Variants in AP1S1 observed in about 807,000 individuals in gnomAD.
AP1S1 encodes adaptor related protein complex 1 subunit sigma 1.
AP1S1 carries 13 observed loss-of-function variants against 23.9 expected under a neutral mutation model. The ratio of observed to expected loss-of-function variants is 0.54; its 90% CI spans 0.35 to 0.86. The LOEUF is 0.86. Ranked by LOEUF, AP1S1 falls within the 40% of genes least tolerant of loss-of-function variation. The pLI is 0.01. For missense variants in AP1S1, 119 were observed against 197.6 expected (o/e 0.60, Z 2.38); for synonymous variants, 84 against 77.7 (o/e 1.08, Z -0.43).
Position 101,160,948 on chromosome 7 carries a change from G to C in AP1S1, c.*382G>C. 1 of 364,954 alleles carries C rather than the reference G, an allele frequency of 2.7e-6. No homozygotes were observed. The highest frequency in any genetic ancestry group is 5.4e-6 in the Non-Finnish European group (1 of 186,560). The allele number at this position is 364,954 out of a possible 1,614,324, so 22.6% of individuals were successfully genotyped here. A position where few individuals can be genotyped will look rare whatever the true frequency, so the allele number is the denominator to read the frequency against. On this transcript the variant is annotated 3_prime_UTR_variant, in exon 5 of 5. Coordinates refer to ENST00000337619, the MANE Select transcript of AP1S1 (RefSeq NM_001283.5). ...GTTCAGGGCACTTCTTGTCCTCTCT[G>C]TCCCATAACCTACCTCCACCCTCCC...
intron 1 of AP1S1, among the ~76,000 whole-genome samples, chr7:101,155,611 G>T (rs1226988147): frequency 1.3e-5 from 2 of 152,330 alleles, no homozygotes; most frequent in Non-Finnish European, 2.9e-5. Flanking sequence ...CAGAGAGGAA[G>T]ATAGGATTTG....
At chr7:101,159,964 GCACA>G (rs141729983) in intron 4 of AP1S1, among the ~76,000 whole-genome samples, 1 of 142,884 alleles carries the variant, frequency 7.0e-6, no homozygotes, top group Non-Finnish European at 1.5e-5. Context: ...TCCCACACAC[GCACA>G]CACACACACC....
Position 101,160,670 on chromosome 7 carries a change from T to C in AP1S1, c.*104T>C. On this transcript the variant is annotated 3_prime_UTR_variant, in exon 5 of 5. Coordinates refer to ENST00000337619, the MANE Select transcript of AP1S1 (RefSeq NM_001283.5). Reference sequence around the variant, plus strand: ...GTTCTTGGTGGGACTCGGCTGCCCCTCCTCTGCTGCCTCACCTTTCGGAGT... The same window carrying C: ...GTTCTTGGTGGGACTCGGCTGCCCCCCCTCTGCTGCCTCACCTTTCGGAGT... The C allele has an allele frequency of 7.4e-7, 1 of 1,352,144 alleles. No individual in the cohort carries two copies. Among genetic ancestry groups the C allele is most frequent in the Non-Finnish European group, 1.0e-6 (1 of 961,620 alleles). 83.8% of individuals were successfully genotyped at this position (1,352,144 alleles called of 1,614,324 possible). A position where few individuals can be genotyped will look rare whatever the true frequency, so the allele number is the denominator to read the frequency against.
Position 101,159,446 on chromosome 7 carries a change from A to G in AP1S1, c.429+250A>G, listed in dbSNP as rs1395194874. 3 of 508,766 alleles carry G rather than the reference A, an allele frequency of 5.9e-6. No homozygotes were observed. In the African/African-American group the frequency reaches 6.0e-5, roughly 10 times the overall value. The allele number at this position is 508,766 out of a possible 1,614,324, so 31.5% of individuals were successfully genotyped here. Reference sequence around the variant, plus strand: ...AGCTCTGTCCTTCTCCCAAGCCCCCAGATGTCTCGTGGCCACCCAGTCTCC... The same window carrying G: ...AGCTCTGTCCTTCTCCCAAGCCCCCGGATGTCTCGTGGCCACCCAGTCTCC... On this transcript the variant is annotated intron_variant, in intron 4 of 4. Coordinates refer to ENST00000337619, the MANE Select transcript of AP1S1 (RefSeq NM_001283.5).
rs929675973 is a variant in AP1S1 at position 101,154,667 on chromosome 7, C to G, written c.3+150C>G. On this transcript the variant is annotated intron_variant, in intron 1 of 4. Coordinates refer to ENST00000337619, the MANE Select transcript of AP1S1 (RefSeq NM_001283.5). ...TGCCTCGGCGGGTGGGCGAGCCGGG[C>G]TCGGGAGGAAGAGGGGGAGGTGGCA... is the stretch of plus-strand genomic sequence containing the variant. The G allele has an allele frequency of 5.1e-5, 42 of 825,798 alleles. No homozygotes were observed. In the East Asian group the frequency reaches 2.9e-3, roughly 57 times the overall value. 51.2% of individuals were successfully genotyped at this position (825,798 alleles called of 1,614,324 possible).
intron 3 of AP1S1, among the ~76,000 whole-genome samples, chr7:101,158,169 G>T (rs1797024008): frequency 6.6e-6 from 1 of 152,150 alleles, no homozygotes. Context: ...GAATGGCAAT[G>T]TCCAGGTTCC....
chr7:101,159,464 C>G (rs1431499006), intron 4 of AP1S1: 7 of 479,232 alleles, frequency 1.5e-5, no homozygotes, highest in South Asian at 7.9e-5. Context: ...CGTGGCCACC[C>G]AGTCTCCTTT....
intron 1 of AP1S1, among the ~76,000 whole-genome samples, chr7:101,155,804 A>G (rs1211244917): frequency 2.6e-5 from 4 of 152,140 alleles, no homozygotes; most frequent in Non-Finnish European, 5.9e-5. Flanking sequence ...ATGGTGATGG[A>G]TAGAGAGAGG....
chr7:101,155,150 T>C, intron 1 of AP1S1: 4 of 523,274 alleles, frequency 7.6e-6, no homozygotes, highest in Non-Finnish European at 9.8e-6. Context: ...TCCGTCTTCC[T>C]GCTTGCTCCC....
In AP1S1 at chr7:101,159,161, C is replaced by T. The variant is rs143871838; in HGVS notation, c.394C>T (p.Leu132=). 342 of 1,613,530 alleles carry T rather than the reference C, an allele frequency of 2.1e-4. 1 individual carries two copies. In the East Asian group the frequency reaches 7.5e-3, roughly 36 times the overall value. ...CCAGGACACCTCCAAGAAGAGTGTG[C>T]TGAAAGCCATCGAGCAGGCTGACCT... The part of the protein sequence containing the change: ...DVQDTSKKSV[L]KAIEQADLLQ... Residue 132 remains leucine (L), a synonymous_variant, in exon 4 of 5, where the codon CTG becomes TTG. Coordinates refer to ENST00000337619, the MANE Select transcript of AP1S1 (RefSeq NM_001283.5).
At chr7:101,158,512 A>C (rs993653069) in intron 3 of AP1S1, among the ~76,000 whole-genome samples, 3 of 152,134 alleles carry the variant, frequency 2.0e-5, no homozygotes, top group African/African-American at 7.2e-5. Context: ...AACGTCACAG[A>C]TTTTGGGGGG....
At position 101,156,867 on chromosome 7, in the gene AP1S1, T is replaced by C. The variant is rs564108995; in HGVS notation, c.182+95T>C. The C allele has an allele frequency of 2.3e-5, 27 of 1,163,954 alleles. No homozygotes were observed. The African/African-American group carries it at 3.5e-4, about 15-fold the overall frequency. 72.1% of individuals were successfully genotyped at this position (1,163,954 alleles called of 1,614,324 possible). ...GGTCGTCCTGTAGGTCAGGGAGACC[T>C]GGGAGCTGAGGACATCTGGAGGACA... On this transcript the variant is annotated intron_variant, in intron 2 of 4. Coordinates refer to ENST00000337619, the MANE Select transcript of AP1S1 (RefSeq NM_001283.5).
chr7:101,159,900 C>T (rs1428671509), intron 4 of AP1S1, among the ~76,000 whole-genome samples: 1 of 151,460 alleles, frequency 6.6e-6, no homozygotes, highest in Non-Finnish European at 1.5e-5. Context: ...CTCATCTTTG[C>T]AGTGGGAGAG....
At chr7:101,157,256 G>T in intron 2 of AP1S1, 121 bp from the exon 3 acceptor site, 1 of 711,744 alleles carries the variant, frequency 1.4e-6, no homozygotes, top group Non-Finnish European at 2.4e-6. Flanking sequence ...ATGCCCTAGG[G>T]CCACCTCACC....
chr7:101,157,727 C>T lies in AP1S1; in HGVS notation c.291+242C>T, dbSNP rs551514747. 3.1e-4 allele frequency among the ~76,000 whole-genome samples: 47 copies of T among 152,324 alleles called. No individual in the cohort carries two copies. The South Asian group carries it at 6.2e-3, about 20-fold the overall frequency. On this transcript the variant is annotated intron_variant, in intron 3 of 4. Transcript: ENST00000337619. ...CTTAATCTCCACTTAGAGCTTAGCTCGGACTTTTCACACAGAGACCAAGTT... is the reference window on the plus strand; with the variant it reads ...CTTAATCTCCACTTAGAGCTTAGCTTGGACTTTTCACACAGAGACCAAGTT...
chr7:101,157,541 C>A, intron 3 of AP1S1, 56 bp downstream of exon 3: 2 of 1,431,918 alleles, frequency 1.4e-6, no homozygotes, highest in South Asian at 1.2e-5. Context: ...TGGTAATCCA[C>A]CAAACTTTGA....
At chr7:101,154,885 C>T in intron 1 of AP1S1, 1 of 951,634 alleles carries the variant, frequency 1.1e-6, no homozygotes, top group Non-Finnish European at 1.3e-6. Flanking sequence ...CGGGGGTCAC[C>T]AGTCACCGAG....
chr7:101,158,425 C>G (rs1404931619), intron 3 of AP1S1, among the ~76,000 whole-genome samples: 1 of 152,134 alleles, frequency 6.6e-6, no homozygotes, highest in Non-Finnish European at 1.5e-5. Context: ...AAGTCTTCCA[C>G]CCCATGGTCC....
intron 3 of AP1S1, among the ~76,000 whole-genome samples, chr7:101,158,367 A>G (rs1797027538): frequency 6.6e-6 from 1 of 152,160 alleles, no homozygotes; most frequent in Non-Finnish European, 1.5e-5. Context: ...GAGATGTTTC[A>G]TGACTTGTTT....
Sources: allele counts gnomAD v4.1 joint callset (sites outside exome capture counted in the v4.1 genomes callset), GRCh38; gene constraint gnomAD v4.1.1; transcripts MANE v1.5; gene names NCBI Gene and HGNC (gene_info 2026-07-23, HGNC 2026-07-21).